The following AGK variants were observed in gnomAD, a reference collection of about 807,000 sequenced individuals.
AGK encodes acylglycerol kinase, mitochondrial.
AGK carries 52 observed loss-of-function variants against 66.4 expected under a neutral mutation model. The ratio of observed to expected loss-of-function variants is 0.78; its 90% CI spans 0.63 to 0.99. The LOEUF (loss-of-function observed/expected upper bound fraction) is 0.99. AGK is among the 50% of genes least tolerant of loss of function. The pLI is 0.00. For missense variants in AGK, 451 were observed against 506.6 expected (o/e 0.89, Z 1.05); for synonymous variants, 182 against 181.1 (o/e 1.00, Z -0.04).
At chr7:141,562,450 C>T (rs1032187111) in intron 2 of AGK, among the ~76,000 whole-genome samples, 1 of 152,106 alleles carries the variant, frequency 6.6e-6, no homozygotes, top group African/African-American at 2.4e-5. Flanking sequence ...GCTACCAGGG[C>T]TCATAGAGAA....
chr7:141,601,373 A>G lies in AGK; in HGVS notation c.297+93A>G. The stretch of plus-strand genomic sequence containing the variant: ...CTTCTTAGCAAAAATTGCTTGTCAC[A>G]AGAGCAAAGAAATTAATGTTGTATC... On this transcript the variant is annotated intron_variant, in intron 5 of 15. Transcript: ENST00000649286. 3.2e-6 allele frequency: 3 copies of G among 937,438 alleles called. No homozygotes were observed. The South Asian group carries it at 4.5e-5, about 14-fold the overall frequency. The allele number at this position is 937,438 out of a possible 1,614,324, so 58.1% of individuals were successfully genotyped here. A position where few individuals can be genotyped will look rare whatever the true frequency, so the allele number is the denominator to read the frequency against.
At chr7:141,578,411 A>G (rs1337916291) in intron 2 of AGK, among the ~76,000 whole-genome samples, 1 of 151,950 alleles carries the variant, frequency 6.6e-6, no homozygotes, top group East Asian at 1.9e-4. Context: ...GCTTCGGGCC[A>G]TCTGGACATA....
chr7:141,590,708 G>A (rs912268516), intron 2 of AGK, among the ~76,000 whole-genome samples: 4 of 152,196 alleles, frequency 2.6e-5, no homozygotes, highest in East Asian at 1.9e-4. Flanking sequence ...AAGATATTTC[G>A]CTAGTTTCTA....
intron 2 of AGK, among the ~76,000 whole-genome samples, chr7:141,577,890 C>G (rs1795785711): frequency 6.6e-6 from 1 of 150,658 alleles, no homozygotes; most frequent in South Asian, 2.1e-4. Flanking sequence ...GTGATCTCTG[C>G]TCACTGCAAC....
rs886062027 is a variant in AGK at position 141,654,051 on chromosome 7, C to A, written c.*1127C>A. The A allele has an allele frequency of 7.2e-5, 11 of 152,122 alleles. No homozygotes were observed. Among genetic ancestry groups the A allele is most frequent in the Non-Finnish European group, 1.5e-5 (1 of 68,020 alleles). 9.4% of individuals were successfully genotyped at this position (152,122 alleles called of 1,614,324 possible). ...TCCATACCACTTTTCAGCCAAGAAT[C>A]CTATCATAATGTAATCTATTATGCC... On this transcript the variant is annotated 3_prime_UTR_variant, in exon 16 of 16. Coordinates refer to ENST00000649286, the MANE Select transcript of AGK (RefSeq NM_018238.4).
At chr7:141,593,628 T>G in intron 3 of AGK, 1 of 530,080 alleles carries the variant, frequency 1.9e-6, no homozygotes, top group South Asian at 2.6e-5. Flanking sequence ...GTTCAACTGA[T>G]CCATATCATG....
At chr7:141,608,412 G>T (rs1259186372) in intron 5 of AGK, among the ~76,000 whole-genome samples, 1 of 152,140 alleles carries the variant, frequency 6.6e-6, no homozygotes, top group Admixed American at 6.5e-5. Flanking sequence ...GATACTGCAT[G>T]TCCAAAGGCC....
chr7:141,621,307 T>C (rs965837190), intron 8 of AGK, among the ~76,000 whole-genome samples: 1 of 152,252 alleles, frequency 6.6e-6, no homozygotes, highest in Non-Finnish European at 1.5e-5. Context: ...TATATTTTGC[T>C]AAGATAACTA....
intron 2 of AGK, among the ~76,000 whole-genome samples, chr7:141,556,914 G>A (rs1245313953): frequency 6.6e-6 from 1 of 152,182 alleles, no homozygotes; most frequent in Non-Finnish European, 1.5e-5. Context: ...AAGTGCCAGA[G>A]CTCCTCTTTT....
At position 141,651,511 on chromosome 7, in the gene AGK, T is replaced by C; in HGVS notation, c.1047-14T>C. Reference sequence around the variant, plus strand: ...CATCACTGGTCTTAAGCTTGCTTTTTCCTGTGCTCACAGAAGTCGAAAGGT... The same window carrying C: ...CATCACTGGTCTTAAGCTTGCTTTTCCCTGTGCTCACAGAAGTCGAAAGGT... On this transcript the variant is annotated splice_polypyrimidine_tract_variant and intron_variant, in intron 14 of 15. Coordinates refer to ENST00000649286, the MANE Select transcript of AGK (RefSeq NM_018238.4). 1.2e-6 allele frequency: 2 copies of C among 1,614,096 alleles called. No homozygotes were observed. Among genetic ancestry groups the C allele is most frequent in the Non-Finnish European group, 1.7e-6 (2 of 1,179,914 alleles).
intron 9 of AGK, among the ~76,000 whole-genome samples, chr7:141,627,265 T>A (rs1796957327): frequency 6.6e-6 from 1 of 152,158 alleles, no homozygotes; most frequent in South Asian, 2.1e-4. Flanking sequence ...ACATAGCGAT[T>A]CCTTTTTCAT....
chr7:141,591,083 T>A (rs13222480), intron 2 of AGK, among the ~76,000 whole-genome samples: 31 of 3,642 alleles, frequency 8.5e-3, no homozygotes, highest in African/African-American at 0.012. Context: ...TCTTAAGTTG[T>A]TTTTTTTTTT....
At chr7:141,569,830 G>A (rs185634174) in intron 2 of AGK, among the ~76,000 whole-genome samples, 9 of 152,218 alleles carry the variant, frequency 5.9e-5, no homozygotes, top group African/African-American at 7.2e-5. Flanking sequence ...TCTTAGGAGC[G>A]TGAGAGAGAT....
At chr7:141,592,519 C>T (rs1796143298) in intron 2 of AGK, among the ~76,000 whole-genome samples, 1 of 152,104 alleles carries the variant, frequency 6.6e-6, no homozygotes, top group South Asian at 2.1e-4. Context: ...TGAATCATGT[C>T]TGTAAAATCC....
intron 2 of AGK, among the ~76,000 whole-genome samples, chr7:141,577,701 AGT>A (rs938737976): frequency 2.6e-5 from 4 of 152,016 alleles, no homozygotes; most frequent in African/African-American, 9.6e-5. Context: ...GCTTCACCCC[AGT>A]GTGCACTCCA....
chr7:141,602,846 T>G (rs1451071391), intron 5 of AGK, among the ~76,000 whole-genome samples: 3 of 152,022 alleles, frequency 2.0e-5, no homozygotes, highest in African/African-American at 7.2e-5. Context: ...TACTTTTTGA[T>G]GCATAATATT....
At chr7:141,607,949 G>A (rs752952576) in intron 5 of AGK, among the ~76,000 whole-genome samples, 1 of 151,996 alleles carries the variant, frequency 6.6e-6, no homozygotes, top group Non-Finnish European at 1.5e-5. Flanking sequence ...ATTATGGTCT[G>A]TCAAATCTGT....
chr7:141,592,799 G>A (rs562981968), intron 2 of AGK, among the ~76,000 whole-genome samples: 1 of 152,160 alleles, frequency 6.6e-6, no homozygotes, highest in East Asian at 1.9e-4. Flanking sequence ...TGCCTCCCAG[G>A]TTCAAGCGAT....
chr7:141,645,356 C>T (rs1797387550), intron 13 of AGK, among the ~76,000 whole-genome samples: 1 of 152,060 alleles, frequency 6.6e-6, no homozygotes, highest in Non-Finnish European at 1.5e-5. Flanking sequence ...AGTAGATGGA[C>T]ATATAATTGA....
Sources: allele counts gnomAD v4.1 joint callset (sites outside exome capture counted in the v4.1 genomes callset), GRCh38; gene constraint gnomAD v4.1.1; transcripts MANE v1.5; gene names NCBI Gene and HGNC (gene_info 2026-07-23, HGNC 2026-07-21).